The following STXBP5L variants were observed in gnomAD, a reference collection of about 807,000 sequenced individuals.
The protein encoded by STXBP5L is syntaxin binding protein 5L, also known as syntaxin-binding protein 5-like.
A neutral mutation model predicts 144.5 loss-of-function variants in STXBP5L; 65 were observed. The ratio of observed to expected loss-of-function variants is 0.45; its 90% CI spans 0.37 to 0.55. The LOEUF is 0.55. Among genes scored for constraint, STXBP5L ranks in the 20% least tolerant of loss-of-function variants. The pLI, the probability that STXBP5L is intolerant of heterozygous loss-of-function variation, is 0.00. For synonymous variants in STXBP5L, 505 were observed against 469.6 expected, an observed-to-expected ratio of 1.08 and a Z score of -0.97; for missense variants, 1,298 against 1,405.5, an observed-to-expected ratio of 0.92 and a Z score of 1.22.
At chr3:121,248,154 C>T (rs2108356021) in intron 14 of STXBP5L, among the ~76,000 whole-genome samples, 1 of 152,190 alleles carries the variant, frequency 6.6e-6, no homozygotes, top group South Asian at 2.1e-4. Flanking sequence ...ATCTCTGTCT[C>T]CTGAGCTCAA....
At chr3:121,387,965 G>A (rs1261451611) in intron 22 of STXBP5L, among the ~76,000 whole-genome samples, 1 of 152,128 alleles carries the variant, frequency 6.6e-6, no homozygotes, top group Non-Finnish European at 1.5e-5. Context: ...TGATGGGGAT[G>A]GCATTGAATC....
intron 26 of STXBP5L, 83 bp downstream of exon 26, chr3:121,418,640 A>T (rs1355951571): frequency 7.8e-7 from 1 of 1,275,024 alleles, no homozygotes; most frequent in African/African-American, 1.5e-5. Context: ...GCTTAAACAG[A>T]GATCCACATA....
At chr3:120,992,222 G>T (rs1031782225) in intron 3 of STXBP5L, among the ~76,000 whole-genome samples, 6 of 152,116 alleles carry the variant, frequency 3.9e-5, no homozygotes, top group South Asian at 4.1e-4. Flanking sequence ...TTCATTACAT[G>T]AATACAATGT....
At chr3:121,169,209 C>A (rs530270899) in intron 9 of STXBP5L, among the ~76,000 whole-genome samples, 6 of 152,124 alleles carry the variant, frequency 3.9e-5, no homozygotes, top group African/African-American at 9.7e-5. Context: ...TGGAAAGGAA[C>A]AATCAGTACC....
chr3:121,179,147 AAG>A, intron 9 of STXBP5L, among the ~76,000 whole-genome samples: 1 of 152,062 alleles, frequency 6.6e-6, no homozygotes, highest in East Asian at 1.9e-4. Flanking sequence ...ACTGGAGAAA[AAG>A]AAAATAAATA....
chr3:121,158,408 G>A lies in STXBP5L; in HGVS notation c.877+781G>A, dbSNP rs546336288. Reference sequence around the variant, plus strand: ...ATCATGTCACATTTGGAAAGTAGTGGTATGTTTTCTGTAATGGGTGACCCA... The same window carrying A: ...ATCATGTCACATTTGGAAAGTAGTGATATGTTTTCTGTAATGGGTGACCCA... On this transcript the variant is annotated intron_variant, in intron 9 of 26. Transcript: ENST00000471454. 3.3e-5 allele frequency: 5 copies of A among 152,190 alleles called. No homozygotes were observed. The South Asian group carries it at 6.2e-4, about 19-fold the overall frequency. 9.4% of individuals were successfully genotyped at this position (152,190 alleles called of 1,614,324 possible). A position where few individuals can be genotyped will look rare whatever the true frequency, so the allele number is the denominator to read the frequency against.
rs1454866094 is a variant in STXBP5L at position 121,318,432 on chromosome 3, A to C, written c.2111-43A>C. On this transcript the variant is annotated intron_variant, in intron 19 of 26. Coordinates refer to ENST00000471454, the MANE Select transcript of STXBP5L (RefSeq NM_001308330.2). ...TTAAGAAATAAGAATAACCTACAAA[A>C]TGCTAGCAAAATTTATCTCATTTTT... The C allele has an allele frequency of 3.4e-6, 5 of 1,479,740 alleles. No individual in the cohort carries two copies. In the Admixed American group the frequency reaches 1.1e-4, roughly 31 times the overall value. 91.7% of individuals were successfully genotyped at this position (1,479,740 alleles called of 1,614,324 possible).
At chr3:121,311,639 C>T (rs893494199) in intron 19 of STXBP5L, among the ~76,000 whole-genome samples, 10 of 151,986 alleles carry the variant, frequency 6.6e-5, no homozygotes, top group Non-Finnish European at 1.2e-4. Flanking sequence ...TTACAAGGGA[C>T]GTGAAGGACC....
intron 3 of STXBP5L, among the ~76,000 whole-genome samples, chr3:121,011,461 A>T (rs185040596): frequency 2.0e-5 from 3 of 151,800 alleles, no homozygotes; most frequent in Admixed American, 1.3e-4. Context: ...AGCCTAGTGG[A>T]CACTCAAATG....
At chr3:121,307,198 G>A (rs555789164) in intron 19 of STXBP5L, among the ~76,000 whole-genome samples, 50 of 152,192 alleles carry the variant, frequency 3.3e-4, no homozygotes, top group Middle Eastern at 3.4e-3. Flanking sequence ...GGAATCAGTC[G>A]TCAGTACCCA....
chr3:121,302,911 C>G (rs2051979535), intron 19 of STXBP5L, among the ~76,000 whole-genome samples: 1 of 152,064 alleles, frequency 6.6e-6, no homozygotes, highest in Non-Finnish European at 1.5e-5. Context: ...AACATTAGAC[C>G]TAAAACCATA....
chr3:121,164,188 G>T (rs1455654021), intron 9 of STXBP5L, among the ~76,000 whole-genome samples: 1 of 152,012 alleles, frequency 6.6e-6, no homozygotes, highest in East Asian at 1.9e-4. Context: ...ATGAGTGAAG[G>T]ATCTGAATAC....
chr3:120,963,667 G>C (rs1182863717), intron 3 of STXBP5L, among the ~76,000 whole-genome samples: 1 of 152,082 alleles, frequency 6.6e-6, no homozygotes, highest in African/African-American at 2.4e-5. Flanking sequence ...TGCTGGATTT[G>C]TTTTGCCAGT....
intron 5 of STXBP5L, among the ~76,000 whole-genome samples, chr3:121,105,148 A>C (rs1408553852): frequency 6.6e-6 from 1 of 152,186 alleles, no homozygotes; most frequent in African/African-American, 2.4e-5. Context: ...CTATAATCAC[A>C]GCACTTTAGG....
At chr3:120,955,107 G>C in intron 3 of STXBP5L, 70 bp downstream of exon 3, 3 of 1,109,384 alleles carry the variant, frequency 2.7e-6, no homozygotes, top group Middle Eastern at 2.0e-4. Context: ...ATTCAGGTAA[G>C]ATAAATATTT....
chr3:121,322,241 G>A (rs372622214), intron 20 of STXBP5L, among the ~76,000 whole-genome samples: 9 of 152,182 alleles, frequency 5.9e-5, no homozygotes, highest in African/African-American at 1.9e-4. Context: ...CACTTTGGGA[G>A]GCCGAGATGG....
chr3:121,178,092 A>T (rs960778716), intron 9 of STXBP5L, among the ~76,000 whole-genome samples: 5 of 152,162 alleles, frequency 3.3e-5, no homozygotes, highest in Admixed American at 2.0e-4. Flanking sequence ...CAGAGGCAAA[A>T]AGGAGAATGG....
chr3:121,055,673 C>G (rs73187502), intron 5 of STXBP5L, among the ~76,000 whole-genome samples: 12 of 146,600 alleles, frequency 8.2e-5, no homozygotes, highest in Non-Finnish European at 1.5e-4. Flanking sequence ...CCATACCCAG[C>G]TATTTTTTTT....
At chr3:121,264,659 C>T (rs1005938430) in intron 18 of STXBP5L, among the ~76,000 whole-genome samples, 1 of 152,018 alleles carries the variant, frequency 6.6e-6, no homozygotes, top group Non-Finnish European at 1.5e-5. Flanking sequence ...GCTAAATGCC[C>T]CAATTAAAAG....
Sources: gnomAD v4.1 joint callset for allele counts (sites outside exome capture counted in the v4.1 genomes callset) on GRCh38, gnomAD v4.1.1 for gene constraint, MANE v1.5 for transcripts, NCBI Gene and HGNC (gene_info 2026-07-23, HGNC 2026-07-21) for gene names.